MAD1L1: variants seen among roughly 807,000 people sequenced by gnomAD.
MAD1L1 encodes the protein mitotic spindle assembly checkpoint protein MAD1.
A neutral mutation model predicts 96.9 loss-of-function variants in MAD1L1; 95 were observed. The observed-to-expected ratio is 0.98, with a 90% confidence interval of 0.83 to 1.16. The LOEUF (loss-of-function observed/expected upper bound fraction) is 1.16, where lower values mean the gene tolerates loss of function less well. MAD1L1 is among the 50% of genes most tolerant of loss of function. MAD1L1 has a pLI of 0.00. For synonymous variants in MAD1L1, 473 were observed against 396.6 expected, an observed-to-expected ratio of 1.19 and a Z score of -2.29; for missense variants, 1,007 against 954.4, an observed-to-expected ratio of 1.06 and a Z score of -0.73.
At chr7:1,910,335 G>C (rs10240470) in intron 17 of MAD1L1, among the ~76,000 whole-genome samples, 12 of 152,092 alleles carry the variant, frequency 7.9e-5, no homozygotes, top group African/African-American at 1.9e-4. Flanking sequence ...TGAATGGACA[G>C]AAAGATGCCT....
At chr7:1,822,312 G>T (rs1782166950) in intron 18 of MAD1L1, among the ~76,000 whole-genome samples, 1 of 151,614 alleles carries the variant, frequency 6.6e-6, no homozygotes, top group African/African-American at 2.4e-5. Flanking sequence ...GAATCGAAAG[G>T]AATAAAAAGA....
chr7:2,195,448 A>T (rs1275627331), intron 10 of MAD1L1, among the ~76,000 whole-genome samples: 1 of 152,238 alleles, frequency 6.6e-6, no homozygotes, highest in Non-Finnish European at 1.5e-5. Context: ...AGCAAATGGG[A>T]ATACCAAGAA....
chr7:2,232,577 G>C (rs545742558), intron 1 of MAD1L1, among the ~76,000 whole-genome samples: 1 of 152,298 alleles, frequency 6.6e-6, no homozygotes, highest in East Asian at 1.9e-4. Flanking sequence ...GCGCCCCTCG[G>C]CCGCCCGCCC....
intron 18 of MAD1L1, among the ~76,000 whole-genome samples, chr7:1,845,088 C>T (rs541848054): frequency 1.3e-5 from 2 of 152,320 alleles, no homozygotes; most frequent in East Asian, 1.9e-4. Flanking sequence ...CTGACTGCAG[C>T]GGGGAGAGCA....
At chr7:2,083,551 T>A (rs912860745) in intron 11 of MAD1L1, among the ~76,000 whole-genome samples, 1 of 152,100 alleles carries the variant, frequency 6.6e-6, no homozygotes, top group African/African-American at 2.4e-5. Flanking sequence ...GCCTCCAAGG[T>A]GGGTCAGTGG....
At chr7:2,185,337 T>C (rs1160086558) in intron 10 of MAD1L1, among the ~76,000 whole-genome samples, 1 of 152,218 alleles carries the variant, frequency 6.6e-6, no homozygotes, top group Non-Finnish European at 1.5e-5. Flanking sequence ...GAACAGTGCT[T>C]GTCTCCCGGG....
intron 11 of MAD1L1, among the ~76,000 whole-genome samples, chr7:2,148,790 G>A (rs964483313): frequency 3.3e-5 from 5 of 152,138 alleles, no homozygotes; most frequent in Non-Finnish European, 2.9e-5. Context: ...GGGTGGGCCC[G>A]CTAGTGACCG....
In MAD1L1 at chr7:1,898,389, C is replaced by T. The variant is rs1389377730; in HGVS notation, c.1809G>A (p.Glu603=). 1.2e-6 allele frequency: 2 copies of T among 1,613,548 alleles called. No individual in the cohort carries two copies. Among genetic ancestry groups the T allele is most frequent in the Admixed American group, 3.3e-5 (2 of 59,988 alleles). ...CGGCACTCTCCACCTGCTTCTTCAG[C>T]TCTGCGGGAGGGACGGAAGGAGACA... ...ASLPSSKEVA[E]LKKQVESAEL... The change falls in exon 18 of 19, where the codon GAG becomes GAA. Residue 603 remains glutamate (E), a splice_region_variant and synonymous_variant. Coordinates refer to ENST00000265854, the MANE Select transcript of MAD1L1 (RefSeq NM_001013836.2).
At chr7:2,178,380 A>G (rs1295033087) in intron 10 of MAD1L1, among the ~76,000 whole-genome samples, 1 of 152,206 alleles carries the variant, frequency 6.6e-6, no homozygotes, top group Non-Finnish European at 1.5e-5. Context: ...AACAATGCTC[A>G]TTCAATAAAG....
intron 12 of MAD1L1, among the ~76,000 whole-genome samples, chr7:2,017,719 C>T (rs184951159): frequency 2.0e-5 from 3 of 152,324 alleles, no homozygotes; most frequent in South Asian, 2.1e-4. Context: ...GCAGGTGCTC[C>T]GGCGCGCTAA....
At chr7:1,881,886 G>A (rs1279080746) in intron 18 of MAD1L1, among the ~76,000 whole-genome samples, 1 of 152,226 alleles carries the variant, frequency 6.6e-6, no homozygotes, top group Non-Finnish European at 1.5e-5. Context: ...AATTCTCTAT[G>A]CGGATATGAG....
chr7:2,187,883 T>C (rs1181335803), intron 10 of MAD1L1, among the ~76,000 whole-genome samples: 1 of 152,190 alleles, frequency 6.6e-6, no homozygotes, highest in Non-Finnish European at 1.5e-5. Flanking sequence ...AACGTTATCA[T>C]TTGAAAGAAT....
chr7:1,914,801 A>C (rs917616955), intron 17 of MAD1L1, among the ~76,000 whole-genome samples: 2 of 87,568 alleles, frequency 2.3e-5, no homozygotes, highest in Admixed American at 2.3e-4. Context: ...TATTTTTATA[A>C]ATAGGGTCTT....
At chr7:1,955,463 G>A (rs1429921181) in intron 16 of MAD1L1, among the ~76,000 whole-genome samples, 1 of 152,166 alleles carries the variant, frequency 6.6e-6, no homozygotes, top group African/African-American at 2.4e-5. Context: ...GCGAATTTTT[G>A]TATTTTTAGT....
chr7:1,925,666 T>C (rs1789047478), intron 17 of MAD1L1, among the ~76,000 whole-genome samples: 1 of 152,228 alleles, frequency 6.6e-6, no homozygotes, highest in Non-Finnish European at 1.5e-5. Flanking sequence ...TTCCAACACG[T>C]GGACTTTGGA....
intron 3 of MAD1L1, among the ~76,000 whole-genome samples, chr7:2,227,759 C>G (rs1201134696): frequency 2.0e-5 from 3 of 152,202 alleles, no homozygotes. Flanking sequence ...TTCCTGGTCT[C>G]ACTTCTGTGT....
chr7:2,210,561 G>T (rs534564386), intron 10 of MAD1L1, among the ~76,000 whole-genome samples: 47 of 145,198 alleles, frequency 3.2e-4, no homozygotes, highest in Middle Eastern at 3.5e-3. Context: ...GCCGTATTCG[G>T]GACCGCCAGC....
intron 1 of MAD1L1, among the ~76,000 whole-genome samples, chr7:2,231,476 G>A (rs979953247): frequency 5.9e-5 from 9 of 152,060 alleles, no homozygotes; most frequent in Admixed American, 2.6e-4. Flanking sequence ...ATGTGGTGGC[G>A]TGCACCTGTA....
At chr7:2,065,040 A>G (rs1414057839) in intron 12 of MAD1L1, among the ~76,000 whole-genome samples, 1 of 152,080 alleles carries the variant, frequency 6.6e-6, no homozygotes, top group African/African-American at 2.4e-5. Context: ...ATGGGAGAGC[A>G]GAGGCTTCTT....
Sources: gnomAD v4.1 joint callset for allele counts (sites outside exome capture counted in the v4.1 genomes callset) on GRCh38, gnomAD v4.1.1 for gene constraint, MANE v1.5 for transcripts, NCBI Gene and HGNC (gene_info 2026-07-23, HGNC 2026-07-21) for gene names.